FAAH2: variants seen among roughly 807,000 people sequenced by gnomAD.
FAAH2 encodes the protein fatty-acid amide hydrolase 2.
Under a neutral mutation model 36.9 loss-of-function variants are expected in FAAH2, and 60 were observed. That is an observed-to-expected ratio of 1.63 (90% CI 1.32 to 2.02). FAAH2 has a LOEUF of 2.02. FAAH2 is among the 30% of genes most tolerant of loss of function. The pLI is 0.00. For missense variants in FAAH2, 689 were observed against 397.5 expected (o/e 1.73, Z -6.23); for synonymous variants, 214 against 143.8 (o/e 1.49, Z -3.49).
intron 5 of FAAH2, among the ~76,000 whole-genome samples, chrX:57,372,426 G>A (rs2054575251): frequency 9.0e-6 from 1 of 111,109 alleles, no homozygotes; most frequent in Non-Finnish European, 1.9e-5. Flanking sequence ...GTTTTTGTGT[G>A]TTAGTTGGAT....
chrX:57,297,309 A>G (rs2052195115), intron 2 of FAAH2, among the ~76,000 whole-genome samples: 1 of 107,368 alleles, frequency 9.3e-6, no homozygotes. Context: ...CAACATTCTT[A>G]AAGAAAATAA....
chrX:57,352,035 T>TATATATATATATATATATATACAC (rs1293991896), intron 5 of FAAH2, among the ~76,000 whole-genome samples: 1 of 15,883 alleles, frequency 6.3e-5, no homozygotes, highest in African/African-American at 1.2e-4. Context: ...TATATATATA[T>TATATATATATATATATATATACAC]ACATATATAT....
chrX:57,309,564 C>G (rs932417454), intron 2 of FAAH2, among the ~76,000 whole-genome samples: 1 of 111,512 alleles, frequency 9.0e-6, no homozygotes, highest in Admixed American at 9.6e-5. Flanking sequence ...AATCCATCAC[C>G]TAAGTGTTGA....
At chrX:57,267,638 TC>T in the FAAH2 span, among the ~76,000 whole-genome samples, 1 of 110,933 alleles carries the variant, frequency 9.0e-6, no homozygotes, top group African/African-American at 3.3e-5. Context: ...ACACCTCAGT[TC>T]CCCCAGTGCA....
At chrX:57,192,482 C>T in the FAAH2 span, among the ~76,000 whole-genome samples, 5 of 111,647 alleles carry the variant, frequency 4.5e-5, no homozygotes, top group East Asian at 1.1e-3. Context: ...ATTTCTAGTA[C>T]TATGTTGAGT....
chrX:57,162,622 T>C, the FAAH2 span, among the ~76,000 whole-genome samples: 6 of 111,899 alleles, frequency 5.4e-5, no homozygotes, highest in Non-Finnish European at 1.1e-4. Flanking sequence ...CATCCTCCAT[T>C]GCTGATACCC....
chrX:57,237,818 T>A, the FAAH2 span, among the ~76,000 whole-genome samples: 1 of 110,019 alleles, frequency 9.1e-6, no homozygotes, highest in African/African-American at 3.3e-5. Context: ...AAACAAACAA[T>A]CCCATTAAAA....
chrX:57,296,206 A>G lies in FAAH2; in HGVS notation c.275+3626A>G, dbSNP rs763679061. On this transcript the variant is annotated intron_variant, in intron 2 of 10. Transcript: ENST00000374900. ...CCCTAACTGGGAGGCACCCCTCAGTAGGGCCAGACTGACACCTCACATTGC... is the reference window on the plus strand; with the variant it reads ...CCCTAACTGGGAGGCACCCCTCAGTGGGGCCAGACTGACACCTCACATTGC... Among the ~76,000 whole-genome samples, 4 of 111,851 alleles carry G rather than the reference A, an allele frequency of 3.6e-5. No individual in the cohort carries two copies. The South Asian group carries it at 1.1e-3, about 32-fold the overall frequency.
the FAAH2 span, among the ~76,000 whole-genome samples, chrX:57,226,865 G>C: frequency 9.0e-6 from 1 of 110,968 alleles, no homozygotes; most frequent in Non-Finnish European, 1.9e-5. Flanking sequence ...TTTTTTCTTT[G>C]TCTTTGTTGG....
the FAAH2 span, among the ~76,000 whole-genome samples, chrX:57,122,238 G>A: frequency 5.4e-5 from 6 of 111,419 alleles, no homozygotes; most frequent in African/African-American, 1.6e-4. Flanking sequence ...GCAAAACTGG[G>A]ATTTGTTTTT....
At chrX:57,434,844 C>T (rs1204005940) in intron 8 of FAAH2, among the ~76,000 whole-genome samples, 2 of 111,125 alleles carry the variant, frequency 1.8e-5, no homozygotes, top group Non-Finnish European at 3.8e-5. Flanking sequence ...CTAAAGTCAA[C>T]ATAAAAGAAA....
chrX:57,444,551 G>A (rs150717030), intron 8 of FAAH2, among the ~76,000 whole-genome samples: 35 of 111,642 alleles, frequency 3.1e-4, no homozygotes, highest in African/African-American at 9.8e-4. Context: ...GACCCCTTGT[G>A]CTTCCCAGGT....
the FAAH2 span, among the ~76,000 whole-genome samples, chrX:57,260,264 C>G: frequency 3.6e-5 from 4 of 111,423 alleles, no homozygotes; most frequent in African/African-American, 1.3e-4. Flanking sequence ...AAATAGAGTT[C>G]AGAAATAGAC....
chrX:57,275,077 G>A, the FAAH2 span, among the ~76,000 whole-genome samples: 1 of 111,811 alleles, frequency 8.9e-6, no homozygotes, highest in Non-Finnish European at 1.9e-5. Context: ...CAAAATCAAT[G>A]TGCAAAAATC....
chrX:57,306,748 ACT>A (rs2052538273), intron 2 of FAAH2, among the ~76,000 whole-genome samples: 1 of 95,470 alleles, frequency 1.0e-5, no homozygotes, highest in Non-Finnish European at 2.1e-5. Flanking sequence ...ATACACACAC[ACT>A]ATATGTATAC....
At chrX:57,156,771 T>C in the FAAH2 span, among the ~76,000 whole-genome samples, 7 of 111,621 alleles carry the variant, frequency 6.3e-5, no homozygotes, top group Non-Finnish European at 1.1e-4. Flanking sequence ...CTGGGCTGCC[T>C]GGAGTTGGGG....
chrX:57,168,638 T>C, the FAAH2 span, among the ~76,000 whole-genome samples: 1 of 111,632 alleles, frequency 9.0e-6, no homozygotes, highest in Admixed American at 9.5e-5. Context: ...AATATACATG[T>C]ATAGTGATTT....
intron 5 of FAAH2, among the ~76,000 whole-genome samples, chrX:57,363,373 A>G (rs781607768): frequency 8.1e-5 from 9 of 111,743 alleles, no homozygotes; most frequent in African/African-American, 2.6e-4. Flanking sequence ...CTCAGCATGA[A>G]CATTATTGGT....
chrX:57,179,334 G>A, the FAAH2 span, among the ~76,000 whole-genome samples: 1 of 111,727 alleles, frequency 9.0e-6, no homozygotes, highest in Admixed American at 9.5e-5. Context: ...TGGCACATTG[G>A]ACAAAGAACC....
Sources: allele counts gnomAD v4.1 joint callset (sites outside exome capture counted in the v4.1 genomes callset), GRCh38; gene constraint gnomAD v4.1.1; transcripts MANE v1.5; gene names NCBI Gene and HGNC (gene_info 2026-07-23, HGNC 2026-07-21).